HLA-G: variants seen among roughly 807,000 people sequenced by gnomAD.
HLA-G encodes the protein major histocompatibility complex, class I, G.
HLA-G carries 34 observed loss-of-function variants against 39.3 expected under a neutral mutation model. The observed-to-expected ratio is 0.86, with a 90% CI of 0.66 to 1.15. The LOEUF (loss-of-function observed/expected upper bound fraction) is 1.15. Among genes scored for constraint, HLA-G ranks in the 50% most tolerant of loss-of-function variants. The pLI, the probability that HLA-G is intolerant of heterozygous loss-of-function variation, is 0.00. For synonymous variants in HLA-G, 183 were observed against 185.8 expected, an observed-to-expected ratio of 0.99 and a Z score of 0.12; for missense variants, 419 against 456.4, an observed-to-expected ratio of 0.92 and a Z score of 0.75.
At position 29,829,425 on chromosome 6, in the gene HLA-G, C is replaced by G; in HGVS notation, c.627C>G (p.Pro209=). 6.2e-7 allele frequency: 1 copy of G among 1,613,574 alleles called. No homozygotes were observed. Among genetic ancestry groups the G allele is most frequent in the Middle Eastern group, 1.7e-4 (1 of 6,054 alleles). ...GKEMLQRADP[P]KTHVTHHPVF... is the part of the protein sequence containing the mutation. Reference sequence around the variant, plus strand: ...TCTGACTCTTCCTTTCAGACCCCCCCAAGACACACGTGACCCACCACCCTG... The same window carrying G: ...TCTGACTCTTCCTTTCAGACCCCCCGAAGACACACGTGACCCACCACCCTG... The change falls in exon 4 of 7, where the codon CCC becomes CCG. Residue 209 remains proline (P), a synonymous_variant. Coordinates refer to ENST00000360323, the MANE Select transcript of HLA-G (RefSeq NM_001384290.1).
rs528053359 is a variant in HLA-G, at chr6:29,829,316, C to A, written c.620-102C>A. On this transcript the variant is annotated intron_variant, in intron 3 of 6. Transcript: ENST00000360323. ...TCTGGGTTCTGTGCTCCCTTCCCCA[C>A]CCCAGGTATCTGGTTCATTCTTAGG... 2.3e-6 allele frequency: 3 copies of A among 1,311,438 alleles called. No homozygotes were observed. The Admixed American group carries it at 5.9e-5, about 26-fold the overall frequency. The allele number at this position is 1,311,438 out of a possible 1,614,324, so 81.2% of individuals were successfully genotyped here.
At chr6:29,828,460 G>A in intron 2 of HLA-G, 83 bp from the exon 3 acceptor site, 2 of 1,563,596 alleles carry the variant, frequency 1.3e-6, no homozygotes, top group Non-Finnish European at 1.7e-6. Flanking sequence ...AGAACCCCAA[G>A]GCGCCTTTAC....
upstream of HLA-G, chr6:29,827,412 G>C: frequency 2.8e-6 from 1 of 353,434 alleles, no homozygotes. Flanking sequence ...GACAGGCAAG[G>C]AGTGGGAGGC....
chr6:29,827,262 C>T, upstream of HLA-G: 3 of 365,494 alleles, frequency 8.2e-6, no homozygotes, highest in South Asian at 6.3e-5. Flanking sequence ...GGTCTCTATT[C>T]TATCTCATGC....
chr6:29,828,165 G>A lies in HLA-G; in HGVS notation c.192G>A (p.Ser64=). ...DTQFVRFDSD[S]ACPRMEPRAP... ...AGTTCGTGCGGTTCGACAGCGACTC[G>A]GCGTGTCCGAGGATGGAGCCGCGGG... Residue 64 remains serine, a synonymous_variant, in exon 2 of 7, where the codon TCG becomes TCA. Coordinates refer to ENST00000360323, the MANE Select transcript of HLA-G (RefSeq NM_001384290.1). 1 of 1,612,712 alleles carries A rather than the reference G, an allele frequency of 6.2e-7. No individual in the cohort carries two copies. Among genetic ancestry groups the A allele is most frequent in the Non-Finnish European group, 8.5e-7 (1 of 1,179,676 alleles).
chr6:29,827,613 C>T, upstream of HLA-G: 1 of 572,178 alleles, frequency 1.7e-6, no homozygotes, highest in Non-Finnish European at 3.2e-6. Flanking sequence ...GCGTGGCTCT[C>T]AGGGTCTCAG....
intron 5 of HLA-G, among the ~76,000 whole-genome samples, 191 bp from the exon 6 acceptor site, chr6:29,830,187 C>T (rs1355871546): frequency 6.6e-6 from 1 of 152,146 alleles, no homozygotes; most frequent in African/African-American, 2.4e-5. Flanking sequence ...AGGTCCCTGG[C>T]TAAGGACAGA....
chr6:29,829,945 T>C lies in HLA-G; in HGVS notation c.1012+13T>C, dbSNP rs1291414960. 5.1e-6 allele frequency: 8 copies of C among 1,576,760 alleles called. No homozygotes were observed. Among genetic ancestry groups the C allele is most frequent in the Non-Finnish European group, 7.0e-6 (8 of 1,148,942 alleles). ...AAGAAGAGCTCAGGTAAGGAAGGGG[T>C]GACAAGTGGGGTCTGAGTTTTCTTG... On this transcript the variant is annotated intron_variant, in intron 5 of 6. Coordinates refer to ENST00000360323, the MANE Select transcript of HLA-G (RefSeq NM_001384290.1).
In HLA-G at chr6:29,830,906, C is replaced by A; in HGVS notation, c.*167C>A. On this transcript the variant is annotated 3_prime_UTR_variant, in exon 7 of 7. Coordinates refer to ENST00000360323, the MANE Select transcript of HLA-G (RefSeq NM_001384290.1). ...TCCTCATGCTGAACTGCATTCCTTC[C>A]CCAATCACCTTTCCTGTTCCAGAAA... 1 of 316,050 alleles carries A rather than the reference C, an allele frequency of 3.2e-6. No homozygotes were observed. The highest frequency in any genetic ancestry group is 6.6e-6 in the Non-Finnish European group (1 of 150,516). 19.6% of individuals were successfully genotyped at this position (316,050 alleles called of 1,614,324 possible). A position where few individuals can be genotyped will look rare whatever the true frequency, so the allele number is the denominator to read the frequency against.
chr6:29,830,534 T>A (rs1298042816), intron 6 of HLA-G, 124 bp downstream of exon 6: 3 of 911,056 alleles, frequency 3.3e-6, no homozygotes, highest in Non-Finnish European at 5.6e-6. Flanking sequence ...GACCAGGTGC[T>A]GTTTTTGTTC....
At chr6:29,830,483 AC>A (rs759076767) in intron 6 of HLA-G, 73 bp downstream of exon 6, 263 of 1,294,122 alleles carry the variant, frequency 2.0e-4, no homozygotes, top group Non-Finnish European at 2.8e-4. Context: ...GAGCTCACCC[AC>A]CCCACAATTC....
In HLA-G at chr6:29,828,537, G is replaced by A. The variant is rs373972721; in HGVS notation, c.344-6G>A. ...TGGGCGGGGCTGACCGAGGGGGTGGGGCCAGGTTCTCACACCCTCCAGTGG... is the reference window on the plus strand; with the variant it reads ...TGGGCGGGGCTGACCGAGGGGGTGGAGCCAGGTTCTCACACCCTCCAGTGG... On this transcript the variant is annotated splice_polypyrimidine_tract_variant and splice_region_variant and intron_variant, in intron 2 of 6. Coordinates refer to ENST00000360323, the MANE Select transcript of HLA-G (RefSeq NM_001384290.1). The A allele has an allele frequency of 6.2e-7, 1 of 1,611,598 alleles. No homozygotes were observed. The highest frequency in any genetic ancestry group is 1.3e-5 in the African/African-American group (1 of 75,022).
At chr6:29,830,627 G>A (rs1562473504) in intron 6 of HLA-G, 141 bp from the exon 7 acceptor site, 6 of 719,954 alleles carry the variant, frequency 8.3e-6, no homozygotes, top group South Asian at 1.5e-5. Context: ...CCTGATGTGT[G>A]TGGGTTGTTG....
chr6:29,827,856 G>A lies in HLA-G; in HGVS notation c.12G>A (p.Met4Ile), dbSNP rs776226094. The A allele has an allele frequency of 3.1e-6, 5 of 1,613,288 alleles. No individual in the cohort carries two copies. Among genetic ancestry groups the A allele is most frequent in the Non-Finnish European group, 3.4e-6 (4 of 1,179,814 alleles). ...CCCAGACGCCAAGGATGGTGGTCAT[G>A]GCGCCCCGAACCCTCTTCCTGCTGC... Reference protein sequence around the residue: MVVMAPRTLFLLLS... With the variant: MVVIAPRTLFLLLS... Residue 4 changes from methionine to isoleucine, a missense_variant, in exon 1 of 7, where the codon ATG becomes ATA. Physicochemically the swap from Met to Ile is conservative, Grantham distance 10 (BLOSUM62 1). Coordinates refer to ENST00000360323, the MANE Select transcript of HLA-G (RefSeq NM_001384290.1).
Position 29,828,596 on chromosome 6 carries a change from C to G in HLA-G, c.397C>G (p.Leu133Val). Residue 133 changes from leucine (L) to valine (V), a missense_variant, in exon 3 of 7, where the codon CTC (leucine) becomes GTC (valine). Leu to Val is a conservative substitution (Grantham distance 32). Transcript: ENST00000360323. ...CTGCGACCTGGGGTCCGACGGACGC[C>G]TCCTCCGCGGGTATGAACAGTATGC... ...IGCDLGSDGR[L>V]LRGYEQYAYD... 6.2e-7 allele frequency: 1 copy of G among 1,613,096 alleles called. No homozygotes were observed. Among genetic ancestry groups the G allele is most frequent in the Non-Finnish European group, 8.5e-7 (1 of 1,180,010 alleles).
Position 29,828,580 on chromosome 6 carries a change from G to A in HLA-G, c.381G>A (p.Leu127=). ...HTLQWMIGCD[L]GSDGRLLRGY... ...TCCAGTGGATGATTGGCTGCGACCT[G>A]GGGTCCGACGGACGCCTCCTCCGCG... Residue 127 remains leucine (L), a synonymous_variant, in exon 3 of 7, where the codon CTG becomes CTA. Transcript: ENST00000360323. The A allele has an allele frequency of 2.5e-6, 4 of 1,612,960 alleles. No homozygotes were observed. Among genetic ancestry groups the A allele is most frequent in the Non-Finnish European group, 3.4e-6 (4 of 1,179,898 alleles).
In HLA-G at chr6:29,829,671, G is replaced by C. The variant is rs17875406; in HGVS notation, c.873G>C (p.Pro291=). ...GCCATGTGCAGCATGAGGGGCTGCC[G>C]GAGCCCCTCATGCTGAGATGGAGTA... The part of the protein sequence containing the change: ...YTCHVQHEGL[P]EPLMLRWKQS... Residue 291 remains proline, a synonymous_variant, in exon 4 of 7, where the codon CCG becomes CCC. Coordinates refer to ENST00000360323, the MANE Select transcript of HLA-G (RefSeq NM_001384290.1). 1 of 1,613,302 alleles carries C rather than the reference G, an allele frequency of 6.2e-7. No homozygotes were observed. The highest frequency in any genetic ancestry group is 8.5e-7 in the Non-Finnish European group (1 of 1,179,782).
chr6:29,826,829 A>T (rs1426654280), upstream of HLA-G: 4 of 329,698 alleles, frequency 1.2e-5, no homozygotes, highest in Middle Eastern at 4.2e-4. Flanking sequence ...AAGTATTCCT[A>T]AAAAATATAC....
At chr6:29,827,256 TC>T (rs1760749239), upstream of HLA-G, 1 of 366,302 alleles carries the variant, frequency 2.7e-6, no homozygotes, top group Non-Finnish European at 5.3e-6. Context: ...CAAACTGGTC[TC>T]TATTCTATCT....
Sources: gnomAD v4.1 joint callset for allele counts (sites outside exome capture counted in the v4.1 genomes callset) on GRCh38, gnomAD v4.1.1 for gene constraint, MANE v1.5 for transcripts, NCBI Gene and HGNC (gene_info 2026-07-23, HGNC 2026-07-21) for gene names.